Variants in GRIK3 observed in about 807,000 individuals in gnomAD.
GRIK3 encodes the protein glutamate ionotropic receptor kainate type subunit 3, also known as glutamate receptor ionotropic, kainate 3.
GRIK3 carries 29 observed loss-of-function variants against 102.5 expected under a neutral mutation model. That is an observed-to-expected ratio of 0.28 (90% CI 0.21 to 0.39). The LOEUF is 0.39. GRIK3 is among the 10% of genes least tolerant of loss of function. GRIK3 has a pLI of 1.00. For missense variants in GRIK3, 908 were observed against 1,252.4 expected (o/e 0.73, Z 4.15); for synonymous variants, 511 against 504.9 (o/e 1.01, Z -0.16).
At chr1:37,010,371 C>T (rs1429656578) in intron 1 of GRIK3, among the ~76,000 whole-genome samples, 1 of 152,200 alleles carries the variant, frequency 6.6e-6, no homozygotes, top group African/African-American at 2.4e-5. Context: ...GAGGTAATGT[C>T]TACTGAGTGC....
intron 2 of GRIK3, among the ~76,000 whole-genome samples, chr1:36,886,697 T>C (rs1247927727): frequency 6.6e-6 from 1 of 152,248 alleles, no homozygotes; most frequent in Non-Finnish European, 1.5e-5. Context: ...GTTAAGCACA[T>C]GACTGTTATG....
At chr1:36,955,464 CCT>C (rs1641895183) in intron 1 of GRIK3, among the ~76,000 whole-genome samples, 1 of 152,174 alleles carries the variant, frequency 6.6e-6, no homozygotes, top group East Asian at 1.9e-4. Context: ...AGTCACAGGC[CCT>C]CTCTGGGAGG....
chr1:36,911,574 G>A (rs1641345805), intron 1 of GRIK3, among the ~76,000 whole-genome samples: 1 of 152,086 alleles, frequency 6.6e-6, no homozygotes, highest in Non-Finnish European at 1.5e-5. Context: ...GGGTCCCAGG[G>A]GGACTCCTGA....
intron 1 of GRIK3, among the ~76,000 whole-genome samples, chr1:36,891,668 G>A (rs1049737370): frequency 6.6e-6 from 1 of 152,098 alleles, no homozygotes; most frequent in Non-Finnish European, 1.5e-5. Flanking sequence ...AAAAACTAGA[G>A]GCATTCTCAT....
intron 1 of GRIK3, among the ~76,000 whole-genome samples, chr1:36,938,536 C>G (rs1641684813): frequency 6.6e-6 from 1 of 152,152 alleles, no homozygotes; most frequent in African/African-American, 2.4e-5. Context: ...TGGACTGACT[C>G]TAAAAGATCT....
At chr1:36,958,263 C>T (rs1641949819) in intron 1 of GRIK3, among the ~76,000 whole-genome samples, 2 of 82,132 alleles carry the variant, frequency 2.4e-5, no homozygotes, top group African/African-American at 5.3e-5. Flanking sequence ...TGACTCTGTG[C>T]CCCGTGAGTC....
chr1:36,850,096 G>A lies in GRIK3; in HGVS notation c.1326+215C>T, dbSNP rs1640564089. 5.4e-6 allele frequency: 3 copies of A among 555,842 alleles called. No individual in the cohort carries two copies. Among genetic ancestry groups the A allele is most frequent in the South Asian group, 2.2e-5 (1 of 46,440 alleles). The allele number at this position is 555,842 out of a possible 1,614,324, so 34.4% of individuals were successfully genotyped here. ...TCAAGGACTTGGGGAGTGAGTGGGA[G>A]TGAGACACAAAAACGCAGCGGCTTC... On this transcript the variant is annotated intron_variant, in intron 9 of 15. Transcript: ENST00000373091. This position sits in a 1 kb window ranked among gnomAD's most constrained non-coding sequence, Gnocchi z 4.0.
chr1:36,833,422 C>T (rs1178057355), intron 10 of GRIK3, among the ~76,000 whole-genome samples: 1 of 152,210 alleles, frequency 6.6e-6, no homozygotes, highest in Non-Finnish European at 1.5e-5. Flanking sequence ...GGTGAATCCT[C>T]AGCTCCACAG....
chr1:36,980,259 C>A (rs369979951), intron 1 of GRIK3, among the ~76,000 whole-genome samples: 9 of 152,238 alleles, frequency 5.9e-5, no homozygotes, highest in African/African-American at 2.2e-4. Flanking sequence ...AACCTAAATC[C>A]TCCCAAAGTC....
chr1:37,017,774 C>T (rs568478899), intron 1 of GRIK3, among the ~76,000 whole-genome samples: 22 of 152,254 alleles, frequency 1.4e-4, no homozygotes, highest in Non-Finnish European at 2.8e-4. Context: ...ACACCTCTGA[C>T]GTATGGATCA....
intron 1 of GRIK3, among the ~76,000 whole-genome samples, chr1:36,958,614 C>G (rs1035628086): frequency 5.6e-5 from 8 of 141,782 alleles, no homozygotes; most frequent in Admixed American, 1.4e-4. Context: ...ACCTGTGTGC[C>G]CTGTGAGCCT....
intron 1 of GRIK3, among the ~76,000 whole-genome samples, chr1:36,957,596 C>A (rs866052): frequency 6.9e-6 from 1 of 144,026 alleles, no homozygotes; most frequent in Admixed American, 7.0e-5. Flanking sequence ...GTCTCTGTGC[C>A]CCGTGAGCCT....
At chr1:36,931,750 G>T (rs1641592755) in intron 1 of GRIK3, among the ~76,000 whole-genome samples, 2 of 152,198 alleles carry the variant, frequency 1.3e-5, no homozygotes. Context: ...CTCCCACAGA[G>T]CGGCGTGTGC....
chr1:36,825,373 C>A (rs919305418), intron 11 of GRIK3, among the ~76,000 whole-genome samples: 2 of 152,136 alleles, frequency 1.3e-5, no homozygotes, highest in Non-Finnish European at 2.9e-5. Flanking sequence ...GTTATAGACA[C>A]AGACGAGGGT....
At chr1:36,931,569 T>C (rs939701814) in intron 1 of GRIK3, among the ~76,000 whole-genome samples, 2 of 152,224 alleles carry the variant, frequency 1.3e-5, no homozygotes, top group Non-Finnish European at 2.9e-5. Context: ...ACTGTTTTAT[T>C]TCCCCAGTCT....
At position 36,850,448 on chromosome 1, in the gene GRIK3, AGGGTGCC is replaced by A. The variant is rs924868792; in HGVS notation, c.1213-31_1213-25del. On this transcript the variant is annotated intron_variant, in intron 8 of 15. Transcript: ENST00000373091. This position sits in a 1 kb window ranked among gnomAD's most constrained non-coding sequence, Gnocchi z 4.0. ...ACCTGGATGGACACAGACAGAAAAC[AGGGTGCC>A]GAGTCCTTGGTCTACCCATCTTCCT... 1.4e-6 allele frequency: 2 copies of A among 1,412,216 alleles called. No individual in the cohort carries two copies. The highest frequency in any genetic ancestry group is 2.8e-5 in the African/African-American group (2 of 71,214). 87.5% of individuals were successfully genotyped at this position (1,412,216 alleles called of 1,614,324 possible).
chr1:36,871,521 C>T (rs760680978), intron 4 of GRIK3, among the ~76,000 whole-genome samples: 14 of 152,200 alleles, frequency 9.2e-5, no homozygotes, highest in Non-Finnish European at 1.5e-4. Flanking sequence ...TTTTGGTTTC[C>T]GCTGTGGCAC....
intron 5 of GRIK3, among the ~76,000 whole-genome samples, chr1:36,869,495 G>T (rs1640820287): frequency 6.6e-6 from 1 of 152,198 alleles, no homozygotes; most frequent in Admixed American, 6.5e-5. Flanking sequence ...CTTAGCCAAG[G>T]AACCACAGTG....
chr1:36,904,076 A>G (rs1641259317), intron 1 of GRIK3, among the ~76,000 whole-genome samples: 1 of 152,212 alleles, frequency 6.6e-6, no homozygotes, highest in Non-Finnish European at 1.5e-5. Flanking sequence ...GGCAGGGGGT[A>G]TATGGGAAAT....
Sources: gnomAD v4.1 joint callset for allele counts (sites outside exome capture counted in the v4.1 genomes callset) on GRCh38, gnomAD v4.1.1 for gene constraint, Gnocchi (gnomAD v3.1) non-coding constraint, MANE v1.5 for transcripts, NCBI Gene and HGNC (gene_info 2026-07-23, HGNC 2026-07-21) for gene names.